The following SLC8A1 variants were observed in gnomAD, a reference collection of about 807,000 sequenced individuals.
SLC8A1 encodes the protein solute carrier family 8 member A1.
SLC8A1 carries 18 observed loss-of-function variants against 68.3 expected under a neutral mutation model. The observed-to-expected ratio is 0.26, with a 90% CI of 0.18 to 0.39. The LOEUF is 0.39. SLC8A1 is among the 10% of genes least tolerant of loss of function. SLC8A1 has a pLI of 1.00. For synonymous variants in SLC8A1, 475 were observed against 415.5 expected (o/e 1.14, Z -1.74); for missense variants, 985 against 1,156.7 (o/e 0.85, Z 2.15).
At chr2:40,442,867 A>G (rs1260323591) in intron 1 of SLC8A1, among the ~76,000 whole-genome samples, 1 of 152,220 alleles carries the variant, frequency 6.6e-6, no homozygotes, top group Admixed American at 6.5e-5. Flanking sequence ...ATGCCCATCA[A>G]CGAGAGGCTG....
At chr2:40,394,733 G>GT (rs1004300191) in intron 2 of SLC8A1, among the ~76,000 whole-genome samples, 29 of 151,924 alleles carry the variant, frequency 1.9e-4, no homozygotes, top group African/African-American at 7.0e-4. Context: ...AGCACAACGT[G>GT]TTTTTTCCTC....
chr2:40,194,517 A>C (rs2148664675), intron 2 of SLC8A1, among the ~76,000 whole-genome samples: 1 of 147,362 alleles, frequency 6.8e-6, no homozygotes, highest in African/African-American at 2.6e-5. Context: ...GCGCGCGCAA[A>C]GAAAACGAGA....
chr2:40,470,152 T>G (rs887057052), intron 1 of SLC8A1, among the ~76,000 whole-genome samples: 3 of 152,138 alleles, frequency 2.0e-5, no homozygotes, highest in African/African-American at 7.2e-5. Flanking sequence ...AATCCACATT[T>G]TAATGTATCT....
chr2:40,136,332 C>T (rs1027498827), intron 7 of SLC8A1, among the ~76,000 whole-genome samples: 1 of 152,164 alleles, frequency 6.6e-6, no homozygotes, highest in African/African-American at 2.4e-5. Flanking sequence ...CCAGCTGGTG[C>T]AAGGAAGAAG....
exon 8 of SLC8A1, chr2:40,098,075 A>G (rs1411789525): frequency 1.3e-5 from 2 of 151,988 alleles, no homozygotes; most frequent in Admixed American, 6.6e-5. Flanking sequence ...ATTTTATACA[A>G]TAGGTTTCTA....
intron 2 of SLC8A1, among the ~76,000 whole-genome samples, chr2:40,345,235 C>T (rs978941142): frequency 7.9e-5 from 12 of 152,116 alleles, no homozygotes; most frequent in African/African-American, 2.4e-4. Flanking sequence ...AGAAATTTCA[C>T]TAGGGGCCCT....
chr2:40,175,341 A>G (rs1558626728), intron 3 of SLC8A1, 60 bp from the exon 4 acceptor site: 2 of 1,543,998 alleles, frequency 1.3e-6, no homozygotes, highest in African/African-American at 1.4e-5. Flanking sequence ...TAATGAAAGT[A>G]AGAGGAATAT....
At chr2:40,400,199 C>A (rs748284154) in intron 2 of SLC8A1, among the ~76,000 whole-genome samples, 4 of 152,118 alleles carry the variant, frequency 2.6e-5, no homozygotes, top group African/African-American at 9.7e-5. Flanking sequence ...TGCCCCCGGC[C>A]GAATAAACCC....
chr2:40,281,087 T>C (rs2067448347), intron 2 of SLC8A1, among the ~76,000 whole-genome samples: 1 of 152,174 alleles, frequency 6.6e-6, no homozygotes, highest in Non-Finnish European at 1.5e-5. Flanking sequence ...AATGAGCCAA[T>C]GAATGACAGT....
At chr2:40,256,435 C>CA (rs367840208) in intron 2 of SLC8A1, among the ~76,000 whole-genome samples, 22 of 151,828 alleles carry the variant, frequency 1.4e-4, no homozygotes, top group African/African-American at 5.1e-4. Context: ...ATTTACATGA[C>CA]AAAAAAAATG....
At chr2:40,210,271 A>T (rs185252722) in intron 2 of SLC8A1, among the ~76,000 whole-genome samples, 6 of 152,272 alleles carry the variant, frequency 3.9e-5, no homozygotes, top group Admixed American at 2.0e-4. Context: ...AGAGCTGCAG[A>T]TGAGTGCCTG....
chr2:40,495,792 A>G (rs980900613), intron 1 of SLC8A1, among the ~76,000 whole-genome samples: 1 of 152,012 alleles, frequency 6.6e-6, no homozygotes, highest in African/African-American at 2.4e-5. Flanking sequence ...CAGGATTCTG[A>G]GTACTGTAGT....
intron 2 of SLC8A1, among the ~76,000 whole-genome samples, chr2:40,369,554 C>T (rs111399411): frequency 0.027 from 4,165 of 152,144 alleles, 79 homozygotes; most frequent in Non-Finnish European, 0.041. Flanking sequence ...TTTTACTGTA[C>T]TCCAGTCAAA....
chr2:40,220,707 GCTCT>G (rs149781218), intron 2 of SLC8A1, among the ~76,000 whole-genome samples: 10 of 152,002 alleles, frequency 6.6e-5, no homozygotes, highest in South Asian at 2.1e-4. Flanking sequence ...TTGGCTTGGA[GCTCT>G]CTCTATTTGT....
intron 2 of SLC8A1, among the ~76,000 whole-genome samples, chr2:40,238,143 C>T (rs1419115450): frequency 1.3e-5 from 2 of 152,356 alleles, no homozygotes; most frequent in Admixed American, 6.5e-5. Flanking sequence ...CCAGTTCGAG[C>T]TTCCCGGCTG....
At chr2:40,430,268 G>T in exon 2 of SLC8A1, 2 of 1,609,838 alleles carry the variant, frequency 1.2e-6, no homozygotes, top group Non-Finnish European at 1.7e-6. Flanking sequence ...CTTAATCGCC[G>T]CATGTTGTAC....
At chr2:40,284,330 T>C (rs1167055998) in intron 2 of SLC8A1, among the ~76,000 whole-genome samples, 2 of 144,890 alleles carry the variant, frequency 1.4e-5, no homozygotes, top group East Asian at 2.1e-4. Context: ...GACATATATA[T>C]AGATCTCTCT....
intron 2 of SLC8A1, among the ~76,000 whole-genome samples, chr2:40,351,504 C>T (rs964044194): frequency 2.0e-5 from 3 of 151,450 alleles, no homozygotes; most frequent in African/African-American, 4.9e-5. Context: ...GTGATGCCGC[C>T]AGTATTCTAA....
At chr2:40,175,314 A>G (rs1233490416) in intron 3 of SLC8A1, 33 bp from the exon 4 acceptor site, 2 of 1,603,736 alleles carry the variant, frequency 1.2e-6, no homozygotes, top group Admixed American at 1.7e-5. Flanking sequence ...CAAACACAGA[A>G]TAAGAGACCA....
Sources: gnomAD v4.1 joint callset for allele counts (sites outside exome capture counted in the v4.1 genomes callset) on GRCh38, gnomAD v4.1.1 for gene constraint, MANE v1.5 for transcripts, NCBI Gene and HGNC (gene_info 2026-07-23, HGNC 2026-07-21) for gene names.